ADAM23: variants seen among roughly 807,000 people sequenced by gnomAD.
The protein encoded by ADAM23 is disintegrin and metalloproteinase domain-containing protein 23.
A neutral mutation model predicts 120.1 loss-of-function variants in ADAM23; 33 were observed. The ratio of observed to expected loss-of-function variants is 0.27; its 90% CI spans 0.21 to 0.37. The LOEUF (loss-of-function observed/expected upper bound fraction) is 0.37. Among genes scored for constraint, ADAM23 ranks in the 10% least tolerant of loss-of-function variants. The pLI is 1.00. For synonymous variants in ADAM23, 367 were observed against 375.2 expected, an observed-to-expected ratio of 0.98 and a Z score of 0.25; for missense variants, 862 against 1,058.2, an observed-to-expected ratio of 0.81 and a Z score of 2.57.
chr2:206,453,270 A>G (rs1695233268), intron 2 of ADAM23, among the ~76,000 whole-genome samples: 1 of 152,216 alleles, frequency 6.6e-6, no homozygotes, highest in Non-Finnish European at 1.5e-5. Flanking sequence ...AGTGGCAAGA[A>G]CCGAATCTAT....
At chr2:206,587,224 C>A in intron 18 of ADAM23, 101 bp from the exon 19 acceptor site, 2 of 770,592 alleles carry the variant, frequency 2.6e-6, no homozygotes, top group Non-Finnish European at 2.1e-6. Flanking sequence ...CTCAATGTTT[C>A]TAGTTATATA....
chr2:206,453,228 C>T (rs1469337971), intron 2 of ADAM23, among the ~76,000 whole-genome samples: 1 of 152,130 alleles, frequency 6.6e-6, no homozygotes, highest in South Asian at 2.1e-4. Context: ...CTGTCCAAAC[C>T]CTGGGGCTAG....
chr2:206,578,876 T>G (rs1698170081), intron 18 of ADAM23, among the ~76,000 whole-genome samples: 1 of 152,206 alleles, frequency 6.6e-6, no homozygotes, highest in Non-Finnish European at 1.5e-5. Flanking sequence ...AAGTGTTCCC[T>G]GTTCACTGCA....
intron 25 of ADAM23, among the ~76,000 whole-genome samples, chr2:206,613,581 T>C (rs1292202549): frequency 6.6e-6 from 1 of 152,164 alleles, no homozygotes; most frequent in African/African-American, 2.4e-5. Flanking sequence ...AATAAAGTTA[T>C]GAGCTGTGGT....
rs1698008581 is a variant in ADAM23 at position 206,571,875 on chromosome 2, T to TG, written c.1656+60dup. 3 of 1,431,536 alleles carry TG rather than the reference T, an allele frequency of 2.1e-6. No individual in the cohort carries two copies. The African/African-American group carries it at 4.2e-5, about 20-fold the overall frequency. 88.7% of individuals were successfully genotyped at this position (1,431,536 alleles called of 1,614,324 possible). A position where few individuals can be genotyped will look rare whatever the true frequency, so the allele number is the denominator to read the frequency against. On this transcript the variant is annotated intron_variant, in intron 17 of 25. Transcript: ENST00000264377. Reference sequence around the variant, plus strand: ...TTGACAGATTAGCCAGATATCTCAGTGTGTACACTGAGCATTTGTGTAGCT... The same window carrying TG: ...TTGACAGATTAGCCAGATATCTCAGTGGTGTACACTGAGCATTTGTGTAGCT...
chr2:206,577,005 A>C (rs1458212638), intron 18 of ADAM23, among the ~76,000 whole-genome samples: 1 of 152,190 alleles, frequency 6.6e-6, no homozygotes, highest in Non-Finnish European at 1.5e-5. Flanking sequence ...CCTGTATAGC[A>C]TAATGTACAA....
intron 15 of ADAM23, among the ~76,000 whole-genome samples, chr2:206,568,105 A>G (rs1697926326): frequency 6.6e-6 from 1 of 152,004 alleles, no homozygotes; most frequent in African/African-American, 2.4e-5. Flanking sequence ...GCAGGGCCTG[A>G]CTAATTTCTT....
intron 2 of ADAM23, among the ~76,000 whole-genome samples, chr2:206,480,227 T>A (rs959190302): frequency 6.6e-6 from 1 of 151,946 alleles, no homozygotes; most frequent in African/African-American, 2.4e-5. Flanking sequence ...AGAGTTTCAA[T>A]CATCATAAAT....
At chr2:206,448,450 C>T (rs1027325988) in intron 2 of ADAM23, among the ~76,000 whole-genome samples, 3 of 152,118 alleles carry the variant, frequency 2.0e-5, no homozygotes, top group African/African-American at 4.8e-5. Context: ...GGTAATTATC[C>T]TGTTTCCTGG....
chr2:206,589,559 C>G (rs1373402443), intron 21 of ADAM23, 45 bp downstream of exon 21: 1 of 1,512,208 alleles, frequency 6.6e-7, no homozygotes, highest in South Asian at 1.3e-5. Context: ...CTTGGAAGCC[C>G]TTCTTATGCA....
intron 8 of ADAM23, among the ~76,000 whole-genome samples, chr2:206,549,673 T>C (rs1230869561): frequency 6.6e-6 from 1 of 152,084 alleles, no homozygotes; most frequent in Non-Finnish European, 1.5e-5. Flanking sequence ...TTATAACTTA[T>C]GCTATTCTTA....
At chr2:206,450,157 C>G (rs1425805179) in intron 2 of ADAM23, among the ~76,000 whole-genome samples, 1 of 152,036 alleles carries the variant, frequency 6.6e-6, no homozygotes, top group Non-Finnish European at 1.5e-5. Context: ...TGTTAGCACA[C>G]GTTTTTACAA....
chr2:206,610,046 C>A, intron 25 of ADAM23, 46 bp downstream of exon 25: 1 of 1,463,742 alleles, frequency 6.8e-7, no homozygotes. Flanking sequence ...TGGCATTTCT[C>A]TTTTCTGCTT....
intron 24 of ADAM23, among the ~76,000 whole-genome samples, chr2:206,599,939 C>T (rs752649337): frequency 9.8e-5 from 15 of 152,310 alleles, no homozygotes; most frequent in Non-Finnish European, 2.1e-4. Flanking sequence ...CGGTGGCTCA[C>T]GCCTGTAATC....
chr2:206,497,796 T>A (rs1475867699), intron 3 of ADAM23, among the ~76,000 whole-genome samples: 1 of 152,160 alleles, frequency 6.6e-6, no homozygotes, highest in Non-Finnish European at 1.5e-5. Flanking sequence ...ATAAGCAACT[T>A]CAGCAAAGTC....
At chr2:206,580,080 T>C (rs1175353417) in intron 18 of ADAM23, among the ~76,000 whole-genome samples, 1 of 152,184 alleles carries the variant, frequency 6.6e-6, no homozygotes, top group Non-Finnish European at 1.5e-5. Flanking sequence ...TCTGGAAACT[T>C]TGCTGAATTC....
intron 3 of ADAM23, among the ~76,000 whole-genome samples, chr2:206,504,027 A>C (rs1696444928): frequency 6.6e-6 from 1 of 152,174 alleles, no homozygotes; most frequent in Non-Finnish European, 1.5e-5. Flanking sequence ...CACATTAAGT[A>C]GGTTTTCCAG....
chr2:206,617,257 G>A (rs1698951318), intron 25 of ADAM23, among the ~76,000 whole-genome samples: 1 of 152,120 alleles, frequency 6.6e-6, no homozygotes, highest in East Asian at 1.9e-4. Context: ...TTCACCTAAT[G>A]AATTAGCAGT....
intron 24 of ADAM23, among the ~76,000 whole-genome samples, chr2:206,609,090 T>C (rs775521623): frequency 1.1e-4 from 17 of 152,228 alleles, no homozygotes; most frequent in Non-Finnish European, 2.4e-4. Flanking sequence ...TACTAGGATA[T>C]GGATTAGCTC....
Sources: gnomAD v4.1 joint callset for allele counts (sites outside exome capture counted in the v4.1 genomes callset) on GRCh38, gnomAD v4.1.1 for gene constraint, MANE v1.5 for transcripts, NCBI Gene and HGNC (gene_info 2026-07-23, HGNC 2026-07-21) for gene names.